Variants in CPNE8 observed in about 807,000 individuals in gnomAD.
CPNE8 encodes the protein copine-8.
Under a neutral mutation model 81.5 loss-of-function variants are expected in CPNE8, and 45 were observed. That is an observed-to-expected ratio of 0.55 (90% CI 0.44 to 0.71). The LOEUF is 0.71. Ranked by LOEUF, CPNE8 falls within the 30% of genes least tolerant of loss-of-function variation. The pLI, the probability that CPNE8 is intolerant of heterozygous loss-of-function variation, is 0.00. For missense variants in CPNE8, 594 were observed against 672.1 expected (o/e 0.88, Z 1.28); for synonymous variants, 252 against 226.3 (o/e 1.11, Z -1.02).
intron 14 of CPNE8, among the ~76,000 whole-genome samples, chr12:38,698,081 A>C (rs1225075521): frequency 6.6e-6 from 1 of 152,142 alleles, no homozygotes; most frequent in African/African-American, 2.4e-5. Flanking sequence ...TTGTTATTTG[A>C]CTGTTTTCTT....
At chr12:38,881,054 C>CAA (rs59401970) in intron 1 of CPNE8, among the ~76,000 whole-genome samples, 1 of 151,640 alleles carries the variant, frequency 6.6e-6, no homozygotes, top group African/African-American at 2.4e-5. Context: ...ACTAAAAATA[C>CAA]AAAAAATTAG....
chr12:38,889,265 A>G (rs1288940607), intron 1 of CPNE8, among the ~76,000 whole-genome samples: 1 of 152,170 alleles, frequency 6.6e-6, no homozygotes. Context: ...TAATAAATTC[A>G]TTACAAATTA....
intron 19 of CPNE8, among the ~76,000 whole-genome samples, chr12:38,656,854 T>G (rs1938832166): frequency 6.6e-6 from 1 of 152,136 alleles, no homozygotes; most frequent in Non-Finnish European, 1.5e-5. Flanking sequence ...GAATAGACAC[T>G]GTGGGAGCCG....
intron 1 of CPNE8, among the ~76,000 whole-genome samples, chr12:38,900,528 T>C (rs1944446100): frequency 6.6e-6 from 1 of 152,100 alleles, no homozygotes. Context: ...AGTGGTAATA[T>C]ACCTATGACA....
chr12:38,671,085 G>T (rs1034002483), intron 18 of CPNE8: 6 of 264,504 alleles, frequency 2.3e-5, no homozygotes, highest in Non-Finnish European at 4.2e-5. Context: ...ACTGTCTCTG[G>T]GTCTATCATC....
intron 6 of CPNE8, among the ~76,000 whole-genome samples, chr12:38,787,565 AAC>A (rs1296031890): frequency 1.3e-5 from 2 of 151,862 alleles, no homozygotes; most frequent in Non-Finnish European, 2.9e-5. Flanking sequence ...GAGCAAATCA[AAC>A]ACAAAATTAG....
intron 19 of CPNE8, 68 bp downstream of exon 19, chr12:38,670,661 C>T (rs1939154061): frequency 1.9e-6 from 2 of 1,068,752 alleles, no homozygotes; most frequent in South Asian, 2.9e-5. Flanking sequence ...TTTCTAGCTT[C>T]TAATTTTGTT....
At chr12:38,740,189 GCT>G (rs756068226) in intron 10 of CPNE8, among the ~76,000 whole-genome samples, 151 of 152,144 alleles carry the variant, frequency 9.9e-4, no homozygotes, top group South Asian at 1.9e-3. Flanking sequence ...TCATGATTTG[GCT>G]CTCTGTTTGT....
At chr12:38,704,016 A>G (rs1460198093) in intron 13 of CPNE8, among the ~76,000 whole-genome samples, 8 of 152,122 alleles carry the variant, frequency 5.3e-5, no homozygotes, top group Admixed American at 5.2e-4. Flanking sequence ...AGCAAACACC[A>G]CGTATTCTTC....
At chr12:38,702,974 AG>A (rs1349189739) in intron 13 of CPNE8, 53 bp from the exon 14 acceptor site, 1 of 1,229,012 alleles carries the variant, frequency 8.1e-7, no homozygotes, top group Non-Finnish European at 1.1e-6. Flanking sequence ...TGATAAAAGG[AG>A]TTTCTTTTCC....
chr12:38,746,025 T>A (rs988811688), intron 10 of CPNE8, among the ~76,000 whole-genome samples: 1 of 152,084 alleles, frequency 6.6e-6, no homozygotes, highest in Non-Finnish European at 1.5e-5. Flanking sequence ...CATGCATACC[T>A]CCAGTTAAAA....
intron 6 of CPNE8, among the ~76,000 whole-genome samples, chr12:38,801,135 C>G (rs1942656181): frequency 3.1e-5 from 2 of 64,032 alleles, no homozygotes; most frequent in Non-Finnish European, 5.9e-5. Flanking sequence ...GGCCAACGTT[C>G]AGATTCAGGA....
At chr12:38,748,022 T>A (rs826863) in intron 10 of CPNE8, among the ~76,000 whole-genome samples, 27,394 of 151,984 alleles carry the variant, frequency 0.18, 3,405 homozygotes, top group East Asian at 0.57. Context: ...TTATTTATTT[T>A]TTTTATTTGA....
chr12:38,722,138 G>T (rs946374755), intron 13 of CPNE8, among the ~76,000 whole-genome samples: 5 of 152,118 alleles, frequency 3.3e-5, no homozygotes, highest in Non-Finnish European at 2.9e-5. Flanking sequence ...CAAAGATCCT[G>T]TAACACTATT....
intron 6 of CPNE8, 28 bp from the exon 7 acceptor site, chr12:38,776,329 C>A (rs187064853): frequency 2.1e-6 from 2 of 974,794 alleles, no homozygotes; most frequent in Non-Finnish European, 3.0e-6. Flanking sequence ...TATTTATATA[C>A]ATTAATATGT....
intron 19 of CPNE8, among the ~76,000 whole-genome samples, chr12:38,667,231 C>T (rs936356938): frequency 1.3e-5 from 2 of 151,994 alleles, no homozygotes; most frequent in Admixed American, 1.3e-4. Flanking sequence ...CTAAATAGAC[C>T]CTATTATCTG....
intron 16 of CPNE8, among the ~76,000 whole-genome samples, chr12:38,684,416 T>G (rs1939486006): frequency 6.6e-6 from 1 of 152,122 alleles, no homozygotes; most frequent in Non-Finnish European, 1.5e-5. Context: ...TGTACAGGGT[T>G]AATATATATT....
chr12:38,720,642 C>T (rs1012551596), intron 13 of CPNE8: 2 of 152,114 alleles, frequency 1.3e-5, no homozygotes, highest in Admixed American at 6.5e-5. Flanking sequence ...AAGGGATATC[C>T]ATTTACTTAC....
At chr12:38,724,312 T>G (rs1179293343) in intron 12 of CPNE8, among the ~76,000 whole-genome samples, 1 of 152,072 alleles carries the variant, frequency 6.6e-6, no homozygotes, top group Non-Finnish European at 1.5e-5. Context: ...CCCAAAAAAG[T>G]TTACCTTAAG....
Sources: allele counts gnomAD v4.1 joint callset (sites outside exome capture counted in the v4.1 genomes callset), GRCh38; gene constraint gnomAD v4.1.1; transcripts MANE v1.5; gene names NCBI Gene and HGNC (gene_info 2026-07-23, HGNC 2026-07-21).